Variants in HCRTR2 observed in about 807,000 individuals in gnomAD.
The protein encoded by HCRTR2 is hypocretin receptor 2.
Under a neutral mutation model 49.0 loss-of-function variants are expected in HCRTR2, and 22 were observed. The ratio of observed to expected loss-of-function variants is 0.45; its 90% confidence interval spans 0.32 to 0.64. HCRTR2 has a LOEUF of 0.64. Ranked by LOEUF, HCRTR2 falls within the 30% of genes least tolerant of loss-of-function variation. The probability of loss-of-function intolerance (pLI) is 0.04; values close to 1 mark genes in which losing one functional copy is unlikely to be tolerated. For synonymous variants in HCRTR2, 236 were observed against 205.3 expected, an observed-to-expected ratio of 1.15 and a Z score of -1.28; for missense variants, 491 against 559.4, an observed-to-expected ratio of 0.88 and a Z score of 1.23.
chr6:55,272,597 C>CTT (rs35741450), intron 4 of HCRTR2, among the ~76,000 whole-genome samples: 112 of 144,914 alleles, frequency 7.7e-4, no homozygotes, highest in African/African-American at 1.3e-3. Flanking sequence ...AAATTGAAGA[C>CTT]TTTTTTTTTT....
chr6:55,245,980 A>T (rs992395883), intron 1 of HCRTR2, among the ~76,000 whole-genome samples: 6 of 152,004 alleles, frequency 3.9e-5, no homozygotes, highest in Admixed American at 6.6e-5. Flanking sequence ...ATCCAATATG[A>T]CTGGGATCCT....
chr6:55,195,066 G>A (rs1431437485), intron 1 of HCRTR2, among the ~76,000 whole-genome samples: 1 of 151,894 alleles, frequency 6.6e-6, no homozygotes, highest in African/African-American at 2.4e-5. Flanking sequence ...CCAGGAAAAT[G>A]ATAATTATCA....
In HCRTR2 at chr6:55,255,253, G is replaced by C. The variant is rs201258808; in HGVS notation, c.520G>C (p.Val174Leu). Residue 174 changes from valine (V) to leucine (L), a missense_variant, in exon 3 of 7, where the codon GTC becomes CTC. Coordinates refer to ENST00000370862, the MANE Select transcript of HCRTR2 (RefSeq NM_001384272.1). ...AGCAAAGCGGGCCCGTAACAGCATTGTCATCATCTGGATTGTCTCCTGCAT... is the reference window on the plus strand; with the variant it reads ...AGCAAAGCGGGCCCGTAACAGCATTCTCATCATCTGGATTGTCTCCTGCAT... Reference protein sequence around the residue: ...STAKRARNSIVIIWIVSCIIM... With the variant: ...STAKRARNSILIIWIVSCIIM... 8.7e-6 allele frequency: 14 copies of C among 1,613,862 alleles called. No individual in the cohort carries two copies. Among genetic ancestry groups the C allele is most frequent in the Middle Eastern group, 1.6e-4 (1 of 6,084 alleles).
chr6:55,280,966 T>C (rs1451036955), intron 6 of HCRTR2, among the ~76,000 whole-genome samples: 1 of 152,212 alleles, frequency 6.6e-6, no homozygotes, highest in Non-Finnish European at 1.5e-5. Flanking sequence ...GATACACACA[T>C]ACATATATGT....
chr6:55,258,678 C>G (rs1766698013), intron 3 of HCRTR2, among the ~76,000 whole-genome samples: 2 of 152,088 alleles, frequency 1.3e-5, no homozygotes, highest in South Asian at 4.1e-4. Flanking sequence ...TCATTTCATA[C>G]TTCTAAAATT....
chr6:55,253,615 G>A (rs151193946), intron 2 of HCRTR2, among the ~76,000 whole-genome samples: 1,959 of 152,088 alleles, frequency 0.013, 23 homozygotes, highest in Middle Eastern at 0.058. Context: ...TAACAAAAAC[G>A]TGGAATCAAC....
At chr6:55,196,497 C>T (rs1216869740) in intron 1 of HCRTR2, among the ~76,000 whole-genome samples, 3 of 152,118 alleles carry the variant, frequency 2.0e-5, no homozygotes, top group Non-Finnish European at 4.4e-5. Flanking sequence ...TCATCTATGG[C>T]ACGAGCATAC....
At chr6:55,215,309 A>G (rs569962719) in intron 1 of HCRTR2, among the ~76,000 whole-genome samples, 1 of 152,350 alleles carries the variant, frequency 6.6e-6, no homozygotes, top group African/African-American at 2.4e-5. Flanking sequence ...AAGTCTGCCA[A>G]CAAAAAATCC....
intron 1 of HCRTR2, among the ~76,000 whole-genome samples, chr6:55,244,247 C>T (rs1462381813): frequency 6.6e-6 from 1 of 152,000 alleles, no homozygotes; most frequent in Non-Finnish European, 1.5e-5. Context: ...TACAACAAGA[C>T]ATTGTGCTTG....
At chr6:55,180,968 T>TTA (rs1554170251) in intron 1 of HCRTR2, among the ~76,000 whole-genome samples, 1 of 150,750 alleles carries the variant, frequency 6.6e-6, no homozygotes, top group South Asian at 2.1e-4. Context: ...CCCAGCTATT[T>TTA]TTTTTTTTTT....
chr6:55,219,110 C>T (rs758944729), intron 1 of HCRTR2, among the ~76,000 whole-genome samples: 1 of 152,134 alleles, frequency 6.6e-6, no homozygotes, highest in African/African-American at 2.4e-5. Context: ...CATGAGCCAC[C>T]GTGCTCAGGA....
chr6:55,283,266 G>T (rs1010419441), downstream of HCRTR2, among the ~76,000 whole-genome samples: 1 of 152,160 alleles, frequency 6.6e-6, no homozygotes, highest in African/African-American at 2.4e-5. Flanking sequence ...AGATGGCGTC[G>T]ATGCAAACAT....
intron 1 of HCRTR2, among the ~76,000 whole-genome samples, chr6:55,142,279 C>T (rs934389380): frequency 7.9e-5 from 12 of 151,878 alleles, no homozygotes; most frequent in Non-Finnish European, 1.5e-4. Context: ...TCACTGCAAG[C>T]TCCCTCTCCT....
chr6:55,176,352 T>C (rs1053631195), intron 1 of HCRTR2, among the ~76,000 whole-genome samples: 3 of 152,318 alleles, frequency 2.0e-5, no homozygotes, highest in African/African-American at 7.2e-5. Context: ...GAAACAAAAG[T>C]GGAAATACAC....
At chr6:55,144,804 A>G (rs1432016136) in intron 1 of HCRTR2, among the ~76,000 whole-genome samples, 2 of 152,022 alleles carry the variant, frequency 1.3e-5, no homozygotes. Context: ...ACCTGTGTGC[A>G]TTAGTGGCTT....
intron 5 of HCRTR2, among the ~76,000 whole-genome samples, chr6:55,277,870 A>T (rs1262513388): frequency 1.3e-5 from 2 of 152,182 alleles, no homozygotes; most frequent in Admixed American, 6.5e-5. Flanking sequence ...TAGTTGCTAA[A>T]CCTTAGATGC....
chr6:55,157,620 C>T (rs1764747925), intron 1 of HCRTR2, among the ~76,000 whole-genome samples: 1 of 150,728 alleles, frequency 6.6e-6, no homozygotes, highest in African/African-American at 2.5e-5. Context: ...CCAGCACAGC[C>T]CAAGGGTGGT....
At chr6:55,239,974 G>C (rs184950738) in intron 1 of HCRTR2, among the ~76,000 whole-genome samples, 12 of 151,752 alleles carry the variant, frequency 7.9e-5, no homozygotes, top group Admixed American at 2.6e-4. Flanking sequence ...ATGGGGTTTC[G>C]CCATGTTGGC....
At chr6:55,167,812 A>T (rs1266308143) in intron 1 of HCRTR2, among the ~76,000 whole-genome samples, 3 of 152,078 alleles carry the variant, frequency 2.0e-5, no homozygotes, top group Non-Finnish European at 2.9e-5. Context: ...GCCCTCTATT[A>T]TTATTTTTGC....
Sources: gnomAD v4.1 joint callset for allele counts (sites outside exome capture counted in the v4.1 genomes callset) on GRCh38, gnomAD v4.1.1 for gene constraint, MANE v1.5 for transcripts, NCBI Gene and HGNC (gene_info 2026-07-23, HGNC 2026-07-21) for gene names.